GRIK2: variants seen among roughly 807,000 people sequenced by gnomAD.
GRIK2 encodes the protein glutamate ionotropic receptor kainate type subunit 2, also known as glutamate receptor ionotropic, kainate 2.
GRIK2 carries 32 observed loss-of-function variants against 100.3 expected under a neutral mutation model. The ratio of observed to expected loss-of-function variants is 0.32; its 90% confidence interval spans 0.24 to 0.43. The LOEUF (loss-of-function observed/expected upper bound fraction) is 0.43, where lower values mean the gene tolerates loss of function less well. Ranked by LOEUF, GRIK2 falls within the 20% of genes least tolerant of loss-of-function variation. The pLI, the probability that GRIK2 is intolerant of heterozygous loss-of-function variation, is 1.00. For synonymous variants in GRIK2, 417 were observed against 389.4 expected (o/e 1.07, Z -0.83); for missense variants, 843 against 1,114.9 (o/e 0.76, Z 3.47).
At chr6:101,964,624 T>C (rs1260443815) in intron 14 of GRIK2, among the ~76,000 whole-genome samples, 2 of 152,216 alleles carry the variant, frequency 1.3e-5, no homozygotes, top group Admixed American at 6.5e-5. Flanking sequence ...GTTTGATCCC[T>C]GTTCAGTTTA....
At chr6:101,595,307 A>T (rs1778866364) in intron 2 of GRIK2, among the ~76,000 whole-genome samples, 1 of 151,634 alleles carries the variant, frequency 6.6e-6, no homozygotes, top group African/African-American at 2.4e-5. Flanking sequence ...GTAGTTACAG[A>T]CTTTCAGTAT....
chr6:101,881,712 A>G (rs1034793323), intron 11 of GRIK2, among the ~76,000 whole-genome samples: 24 of 151,222 alleles, frequency 1.6e-4, no homozygotes, highest in Non-Finnish European at 2.8e-4. Context: ...AATTGGCCAG[A>G]TGTGGTGGTG....
chr6:101,531,156 T>C (rs757244603), intron 2 of GRIK2, among the ~76,000 whole-genome samples: 3 of 152,008 alleles, frequency 2.0e-5, no homozygotes, highest in Non-Finnish European at 4.4e-5. Flanking sequence ...GGATATCTGA[T>C]AAACCCATTA....
Position 102,055,432 on chromosome 6 carries a change from C to T in GRIK2, c.2414C>T (p.Pro805Leu). 6.2e-7 allele frequency: 1 copy of T among 1,613,632 alleles called. No individual in the cohort carries two copies. The highest frequency in any genetic ancestry group is 1.1e-5 in the South Asian group (1 of 91,068). Residue 805 changes from proline (P) to leucine (L), a missense_variant, in exon 16 of 17, where the codon CCA becomes CTA. Pro to Leu is a moderately conservative substitution (Grantham distance 98). This residue lies in a region of GRIK2 where 237 missense variants were observed against 388.0 expected (regional missense o/e 0.61). Transcript: ENST00000369134. ...AAATGGTGGAGGGGCAATGGTTGCC[C>T]AGAAGAGGAGAGCAAAGAGGCCAGT... ...KEKWWRGNGC[P>L]EEESKEASAL... is the part of the protein sequence containing the mutation.
At chr6:101,715,369 G>A (rs1773993730) in intron 7 of GRIK2, among the ~76,000 whole-genome samples, 2 of 151,734 alleles carry the variant, frequency 1.3e-5, no homozygotes, top group African/African-American at 4.8e-5. Flanking sequence ...GCAAGTCAAA[G>A]AGGACTTGAG....
chr6:101,503,874 C>T (rs1424837751), intron 2 of GRIK2, among the ~76,000 whole-genome samples: 1 of 152,022 alleles, frequency 6.6e-6, no homozygotes, highest in African/African-American at 2.4e-5. Flanking sequence ...CAAGATGGTG[C>T]AGCAGGAGGT....
chr6:101,765,725 G>A (rs60269247), intron 7 of GRIK2, among the ~76,000 whole-genome samples: 9,376 of 152,050 alleles, frequency 0.062, 769 homozygotes, highest in African/African-American at 0.19. Context: ...TCCACGAAGC[G>A]GAAATTAATT....
intron 14 of GRIK2, among the ~76,000 whole-genome samples, chr6:101,960,927 T>C (rs1463143607): frequency 1.3e-5 from 2 of 152,148 alleles, no homozygotes; most frequent in Non-Finnish European, 1.5e-5. Flanking sequence ...AAATGACTGG[T>C]GTCCTGACTT....
At chr6:101,623,278 A>G (rs1246442622) in intron 3 of GRIK2, among the ~76,000 whole-genome samples, 1 of 152,084 alleles carries the variant, frequency 6.6e-6, no homozygotes, top group African/African-American at 2.4e-5. Flanking sequence ...TCAAAGCCAT[A>G]CTTTGCATGC....
At chr6:101,421,177 C>T (rs772979766) in intron 2 of GRIK2, among the ~76,000 whole-genome samples, 6 of 152,218 alleles carry the variant, frequency 3.9e-5, no homozygotes, top group African/African-American at 1.4e-4. Context: ...TCTGCCTCCA[C>T]TAGCTGGCCA....
intron 2 of GRIK2, among the ~76,000 whole-genome samples, chr6:101,439,758 A>G (rs190423383): frequency 1.3e-5 from 2 of 152,298 alleles, no homozygotes; most frequent in Admixed American, 6.5e-5. Flanking sequence ...TATTATAAGT[A>G]GCTATCTTAC....
At chr6:102,027,828 G>A (rs1224309520) in intron 14 of GRIK2, among the ~76,000 whole-genome samples, 1 of 150,986 alleles carries the variant, frequency 6.6e-6, no homozygotes, top group Non-Finnish European at 1.5e-5. Context: ...ATCCATTTGT[G>A]TACCTAAGAT....
chr6:101,896,431 TG>T (rs1787447449), intron 12 of GRIK2, among the ~76,000 whole-genome samples: 1 of 151,834 alleles, frequency 6.6e-6, no homozygotes, highest in African/African-American at 2.4e-5. Context: ...TTAAAATTAA[TG>T]TGCTTTTTCT....
chr6:101,572,384 T>C (rs910164874), intron 2 of GRIK2, among the ~76,000 whole-genome samples: 13 of 152,164 alleles, frequency 8.5e-5, no homozygotes, highest in African/African-American at 2.7e-4. Flanking sequence ...TTTGCAATCA[T>C]TGTGATAACA....
At chr6:101,769,460 A>G in intron 7 of GRIK2, among the ~76,000 whole-genome samples, 1 of 152,112 alleles carries the variant, frequency 6.6e-6, no homozygotes, top group East Asian at 1.9e-4. Flanking sequence ...CCCTGGAAAT[A>G]CAGAAGTCTA....
intron 2 of GRIK2, among the ~76,000 whole-genome samples, chr6:101,518,220 T>C (rs1317413973): frequency 6.6e-6 from 1 of 152,128 alleles, no homozygotes; most frequent in Non-Finnish European, 1.5e-5. Flanking sequence ...TTTGCTTAAT[T>C]TTAGTTAGAG....
In GRIK2 at chr6:101,854,942, A is replaced by G. The variant is rs1442790387; in HGVS notation, c.1318-4345A>G. Among the ~76,000 whole-genome samples, 7 of 152,206 alleles carry G rather than the reference A, an allele frequency of 4.6e-5. No homozygotes were observed. The South Asian group carries it at 8.3e-4, about 18-fold the overall frequency. On this transcript the variant is annotated intron_variant, in intron 10 of 16. Coordinates refer to ENST00000369134, the MANE Select transcript of GRIK2 (RefSeq NM_021956.5). Reference sequence around the variant, plus strand: ...TAAATAATGAGATAGATAATAACAGAGAAGATTCTCTTTAGATAGAACCAA... The same window carrying G: ...TAAATAATGAGATAGATAATAACAGGGAAGATTCTCTTTAGATAGAACCAA...
intron 11 of GRIK2, among the ~76,000 whole-genome samples, chr6:101,863,994 G>A (rs918778013): frequency 6.6e-6 from 1 of 151,038 alleles, no homozygotes; most frequent in African/African-American, 2.4e-5. Context: ...AAAATTAGCC[G>A]GGCGTGGTGG....
intron 2 of GRIK2, among the ~76,000 whole-genome samples, chr6:101,489,266 C>T (rs983649591): frequency 1.4e-5 from 2 of 145,846 alleles, no homozygotes; most frequent in Non-Finnish European, 3.0e-5. Context: ...TACTATTTTC[C>T]AAGTGACCAT....
Sources: gnomAD v4.1 joint callset for allele counts (sites outside exome capture counted in the v4.1 genomes callset) on GRCh38, gnomAD v4.1.1 for gene constraint, gnomAD v4.1.1 regional missense constraint, MANE v1.5 for transcripts, NCBI Gene and HGNC (gene_info 2026-07-23, HGNC 2026-07-21) for gene names.